The following DUSP10 variants were observed in gnomAD, a reference collection of about 807,000 sequenced individuals.
DUSP10 encodes dual specificity phosphatase 10, also known as dual specificity protein phosphatase 10.
Under a neutral mutation model 30.8 loss-of-function variants are expected in DUSP10, and 14 were observed. That is an observed-to-expected ratio of 0.46 (90% CI 0.30 to 0.71). The LOEUF is 0.71. Among genes scored for constraint, DUSP10 ranks in the 30% least tolerant of loss-of-function variants. The probability of loss-of-function intolerance (pLI) is 0.08; values close to 1 mark genes in which losing one functional copy is unlikely to be tolerated. For missense variants in DUSP10, 550 were observed against 619.4 expected (o/e 0.89, Z 1.19); for synonymous variants, 254 against 250.4 (o/e 1.01, Z -0.14).
intron 2 of DUSP10, among the ~76,000 whole-genome samples, chr1:221,708,998 A>G (rs2102617590): frequency 9.7e-6 from 1 of 103,518 alleles, no homozygotes; most frequent in East Asian, 2.5e-4. Flanking sequence ...AAAAGCAGCT[A>G]GTTTAAAAAA....
intron 2 of DUSP10, among the ~76,000 whole-genome samples, chr1:221,733,349 A>G (rs1005672634): frequency 1.3e-5 from 2 of 152,216 alleles, no homozygotes; most frequent in African/African-American, 2.4e-5. Flanking sequence ...AAATAGGCAA[A>G]GTGCTTTACC....
chr1:221,739,806 G>A lies in DUSP10; in HGVS notation c.-43-19C>T. The A allele has an allele frequency of 6.6e-7, 1 of 1,504,854 alleles. No individual in the cohort carries two copies. Among genetic ancestry groups the A allele is most frequent in the Non-Finnish European group, 8.8e-7 (1 of 1,131,930 alleles). 93.2% of individuals were successfully genotyped at this position (1,504,854 alleles called of 1,614,324 possible). A position where few individuals can be genotyped will look rare whatever the true frequency, so the allele number is the denominator to read the frequency against. ...AGACAGTCTGTAAAGAAGGGGAAGG[G>A]GGAAAGAAAGAATAAAGTCACGTGA... On this transcript the variant is annotated intron_variant, in intron 1 of 3. Transcript: ENST00000366899.
At chr1:221,711,749 T>A (rs938602823) in intron 2 of DUSP10, 3 of 152,204 alleles carry the variant, frequency 2.0e-5, no homozygotes, top group African/African-American at 7.2e-5. Flanking sequence ...AAATGCTACA[T>A]GAGAGTTAGG....
At chr1:221,705,638 T>C (rs141583795) in intron 3 of DUSP10, among the ~76,000 whole-genome samples, 111 of 152,216 alleles carry the variant, frequency 7.3e-4, no homozygotes, top group African/African-American at 2.5e-3. Flanking sequence ...GAATAAGGCT[T>C]AGTAGGGTGA....
At chr1:221,704,003 C>A (rs1319691833) in intron 3 of DUSP10, among the ~76,000 whole-genome samples, 1 of 152,174 alleles carries the variant, frequency 6.6e-6, no homozygotes. Flanking sequence ...AGCTCCAAGT[C>A]AAGACCAGAA....
At position 221,723,506 on chromosome 1, in the gene DUSP10, TCCAGATGCTAG is replaced by T. The variant is rs1661337273; in HGVS notation, c.811+15417_811+15427del. 3.9e-5 allele frequency among the ~76,000 whole-genome samples: 6 copies of T among 152,348 alleles called. No homozygotes were observed. In the South Asian group the frequency reaches 1.2e-3, roughly 32 times the overall value. ...AGTCTCAAATAAGAATGCCTTCACT[TCCAGATGCTAG>T]CCACAGGTTCAGGGGTTCCCAGGCC... On this transcript the variant is annotated intron_variant, in intron 2 of 3. Coordinates refer to ENST00000366899, the MANE Select transcript of DUSP10 (RefSeq NM_007207.6).
chr1:221,712,494 T>G (rs568676576), intron 2 of DUSP10, among the ~76,000 whole-genome samples: 25 of 152,282 alleles, frequency 1.6e-4, no homozygotes, highest in South Asian at 8.3e-4. Flanking sequence ...TGAGATGCCT[T>G]ATGTTTGAAA....
At chr1:221,739,877 C>T (rs775406797) in intron 1 of DUSP10, 90 bp from the exon 2 acceptor site, 5 of 1,340,840 alleles carry the variant, frequency 3.7e-6, no homozygotes, top group Non-Finnish European at 4.9e-6. Flanking sequence ...CCTTTGCATC[C>T]CTCTGAGCAA....
At position 221,729,589 on chromosome 1, in the gene DUSP10, CTAAA is replaced by C. The variant is rs1016663868; in HGVS notation, c.811+9341_811+9344del. ...GACGTTCACAGAGCTTCTCTGAGAACTAAATAAGACACATATATGACAGCCCAAT... is the reference window on the plus strand; with the variant it reads ...GACGTTCACAGAGCTTCTCTGAGAACTAAGACACATATATGACAGCCCAAT... On this transcript the variant is annotated intron_variant, in intron 2 of 3. Transcript: ENST00000366899. Among the ~76,000 whole-genome samples, 44 of 152,300 alleles carry C rather than the reference CTAAA, an allele frequency of 2.9e-4. No homozygotes were observed. The Middle Eastern group carries it at 0.02, about 71-fold the overall frequency.
intron 3 of DUSP10, among the ~76,000 whole-genome samples, chr1:221,704,620 G>A (rs1660703618): frequency 6.6e-6 from 1 of 152,150 alleles, no homozygotes; most frequent in African/African-American, 2.4e-5. Flanking sequence ...GTTGCCAGTT[G>A]GGAATTACTT....
At chr1:221,718,228 AC>A (rs1357930809) in intron 2 of DUSP10, among the ~76,000 whole-genome samples, 1 of 152,146 alleles carries the variant, frequency 6.6e-6, no homozygotes, top group Non-Finnish European at 1.5e-5. Flanking sequence ...ACATGCACGC[AC>A]AGAAGCCCAC....
chr1:221,721,942 G>A (rs1661290497), intron 2 of DUSP10, among the ~76,000 whole-genome samples: 1 of 152,188 alleles, frequency 6.6e-6, no homozygotes, highest in Non-Finnish European at 1.5e-5. Flanking sequence ...TCACTTAGAT[G>A]TGGTAAGCAG....
At chr1:221,714,478 C>G (rs1425142721) in intron 2 of DUSP10, among the ~76,000 whole-genome samples, 1 of 152,128 alleles carries the variant, frequency 6.6e-6, no homozygotes, top group Non-Finnish European at 1.5e-5. Context: ...GCCACGTGTA[C>G]AGTAAGGAGC....
intron 2 of DUSP10, among the ~76,000 whole-genome samples, chr1:221,713,324 T>C (rs917608985): frequency 2.0e-5 from 3 of 152,076 alleles, no homozygotes; most frequent in Non-Finnish European, 4.4e-5. Flanking sequence ...AGAGTGGGGG[T>C]TGGGGCTGGT....
chr1:221,715,133 T>C (rs1003514404), intron 2 of DUSP10, among the ~76,000 whole-genome samples: 7 of 152,252 alleles, frequency 4.6e-5, no homozygotes, highest in African/African-American at 1.7e-4. Flanking sequence ...CCTTGTTTGA[T>C]AAAACCTTTG....
intron 1 of DUSP10, among the ~76,000 whole-genome samples, chr1:221,741,415 C>T (rs1661951002): frequency 6.7e-6 from 1 of 148,860 alleles, no homozygotes; most frequent in Admixed American, 6.6e-5. Flanking sequence ...GTTCAAGGCT[C>T]ACACACACAC....
rs572257648 is a variant in DUSP10, at chr1:221,739,477, T to C, written c.268A>G (p.Asn90Asp). ...CCTVATYDKD[N>D]QAQTQAIAAG... ...GCAATGGCTTGGGTTTGGGCCTGAT[T>C]GTCCTTGTCGTAGGTTGCCACAGTG... Residue 90 changes from asparagine (N) to aspartate (D), a missense_variant, in exon 2 of 4, where the codon AAT (asparagine) becomes GAT (aspartate). Asn to Asp is a conservative substitution (Grantham distance 23). Coordinates refer to ENST00000366899, the MANE Select transcript of DUSP10 (RefSeq NM_007207.6). 3 of 1,614,204 alleles carry C rather than the reference T, an allele frequency of 1.9e-6. No homozygotes were observed. In the African/African-American group the frequency reaches 4.0e-5, roughly 22 times the overall value.
intron 1 of DUSP10, among the ~76,000 whole-genome samples, chr1:221,741,182 G>A (rs1463848390): frequency 6.6e-6 from 1 of 152,176 alleles, no homozygotes; most frequent in African/African-American, 2.4e-5. Flanking sequence ...ACCTTTGGAT[G>A]GGAGCGAAGG....
intron 3 of DUSP10, among the ~76,000 whole-genome samples, chr1:221,703,193 GTGTGTGTA>G (rs753255649): frequency 2.9e-5 from 4 of 139,066 alleles, no homozygotes; most frequent in African/African-American, 6.0e-5. Flanking sequence ...GTATATGTAT[GTGTGTGTA>G]TGTGTGTGTG....
Sources: gnomAD v4.1 joint callset for allele counts (sites outside exome capture counted in the v4.1 genomes callset) on GRCh38, gnomAD v4.1.1 for gene constraint, MANE v1.5 for transcripts, NCBI Gene and HGNC (gene_info 2026-07-23, HGNC 2026-07-21) for gene names.